The following CDK14 variants were observed in gnomAD, a reference collection of about 807,000 sequenced individuals.
The protein encoded by CDK14 is cyclin dependent kinase 14.
A neutral mutation model predicts 60.7 loss-of-function variants in CDK14; 34 were observed. That is an observed-to-expected ratio of 0.56 (90% CI 0.43 to 0.75). The LOEUF (loss-of-function observed/expected upper bound fraction) is 0.75, where lower values mean the gene tolerates loss of function less well. Ranked by LOEUF, CDK14 falls within the 30% of genes least tolerant of loss-of-function variation. The probability of loss-of-function intolerance (pLI) is 0.00; values close to 1 mark genes in which losing one functional copy is unlikely to be tolerated. For synonymous variants in CDK14, 197 were observed against 203.7 expected (o/e 0.97, Z 0.28); for missense variants, 482 against 564.1 (o/e 0.85, Z 1.47).
chr7:90,979,843 A>C (rs1562854562), intron 9 of CDK14: 2 of 152,210 alleles, frequency 1.3e-5, no homozygotes, highest in Non-Finnish European at 2.9e-5. Flanking sequence ...TAAATGTCAG[A>C]TAGTTAATTT....
chr7:91,060,830 A>C (rs530263582), intron 11 of CDK14, among the ~76,000 whole-genome samples: 3 of 152,228 alleles, frequency 2.0e-5, no homozygotes, highest in Admixed American at 2.0e-4. Flanking sequence ...GCTGCCCTTA[A>C]CATTTTTTCC....
chr7:90,734,433 C>G (rs1204333327), intron 3 of CDK14, among the ~76,000 whole-genome samples: 3 of 152,220 alleles, frequency 2.0e-5, no homozygotes, highest in Admixed American at 6.5e-5. Context: ...CTCCCCGTCA[C>G]TTTCAGGTAC....
chr7:90,739,055 C>T (rs367544953), intron 3 of CDK14, among the ~76,000 whole-genome samples: 5 of 152,072 alleles, frequency 3.3e-5, no homozygotes, highest in African/African-American at 7.2e-5. Flanking sequence ...ACTCTCAAAG[C>T]GGAGACTGTC....
At chr7:91,145,727 A>T (rs43014) in intron 14 of CDK14, among the ~76,000 whole-genome samples, 145,430 of 152,270 alleles carry the variant, frequency 0.96, 69,475 homozygotes, top group East Asian at 1. Context: ...AATAGGCAAC[A>T]AGAAGCTGCT....
At chr7:91,034,029 T>A (rs540972017) in intron 10 of CDK14, among the ~76,000 whole-genome samples, 1 of 152,366 alleles carries the variant, frequency 6.6e-6, no homozygotes, top group South Asian at 2.1e-4. Context: ...TTCCAGGCAC[T>A]AAGAGCATTT....
intron 2 of CDK14, among the ~76,000 whole-genome samples, chr7:90,723,488 C>T (rs1192355509): frequency 2.0e-5 from 3 of 152,262 alleles, no homozygotes; most frequent in South Asian, 2.1e-4. Flanking sequence ...CGGCTTTCCC[C>T]AGGTCTGGTG....
chr7:90,820,164 C>T (rs1789494184), intron 5 of CDK14, among the ~76,000 whole-genome samples: 1 of 152,138 alleles, frequency 6.6e-6, no homozygotes, highest in African/African-American at 2.4e-5. Context: ...ATGACCCTTG[C>T]AGCACTTAAC....
intron 5 of CDK14, among the ~76,000 whole-genome samples, chr7:90,791,224 A>AT (rs994790906): frequency 6.6e-6 from 1 of 152,074 alleles, no homozygotes; most frequent in African/African-American, 2.4e-5. Flanking sequence ...ATAAGATTTT[A>AT]TTTTTTATTA....
intron 9 of CDK14, among the ~76,000 whole-genome samples, chr7:90,973,211 T>C (rs1794977025): frequency 6.6e-6 from 1 of 152,122 alleles, no homozygotes; most frequent in African/African-American, 2.4e-5. Flanking sequence ...CTAAATAATT[T>C]TCTAAACTTG....
intron 14 of CDK14, among the ~76,000 whole-genome samples, chr7:91,181,283 G>A (rs1387815230): frequency 6.6e-6 from 1 of 151,780 alleles, no homozygotes; most frequent in Non-Finnish European, 1.5e-5. Flanking sequence ...CAAATGACTT[G>A]TCCTTTAGAG....
intron 12 of CDK14, 68 bp downstream of exon 12, chr7:91,079,548 C>G: frequency 9.0e-7 from 1 of 1,116,064 alleles, no homozygotes; most frequent in Non-Finnish European, 1.4e-6. Context: ...TCTTCTCATA[C>G]GTTTTTCATG....
chr7:90,830,077 C>T (rs1789866405), intron 5 of CDK14, among the ~76,000 whole-genome samples: 2 of 152,214 alleles, frequency 1.3e-5, no homozygotes, highest in Admixed American at 6.5e-5. Flanking sequence ...CTTCTTCTCA[C>T]AGCTCCACTA....
intron 1 of CDK14, among the ~76,000 whole-genome samples, chr7:90,598,255 A>G (rs528408494): frequency 2.0e-5 from 3 of 152,358 alleles, no homozygotes; most frequent in South Asian, 2.1e-4. Context: ...ACATTAATCT[A>G]AAAGTTCCTT....
intron 6 of CDK14, 111 bp downstream of exon 6, chr7:90,863,380 C>A: frequency 1.8e-6 from 1 of 566,312 alleles, no homozygotes. Context: ...AATATTTTAT[C>A]TGAATACATG....
intron 10 of CDK14, among the ~76,000 whole-genome samples, chr7:90,995,008 A>G (rs1455280524): frequency 6.6e-6 from 1 of 152,246 alleles, no homozygotes; most frequent in Non-Finnish European, 1.5e-5. Flanking sequence ...TGAGGTGAGC[A>G]GCATCTAAGA....
At chr7:90,705,687 G>A (rs1338849985) in intron 2 of CDK14, among the ~76,000 whole-genome samples, 1 of 150,372 alleles carries the variant, frequency 6.7e-6, no homozygotes, top group Admixed American at 6.7e-5. Context: ...GAGGAAGCCT[G>A]TAGCAAGAAG....
At chr7:90,984,070 G>A in intron 9 of CDK14, 78 bp from the exon 10 acceptor site, 1 of 898,114 alleles carries the variant, frequency 1.1e-6, no homozygotes, top group Non-Finnish European at 1.9e-6. Flanking sequence ...CTGTAGGAGT[G>A]GATATTCTAA....
At chr7:90,861,244 G>T (rs74390413) in intron 5 of CDK14, among the ~76,000 whole-genome samples, 7,082 of 152,228 alleles carry the variant, frequency 0.047, 187 homozygotes, top group South Asian at 0.075. Context: ...ATGGGAGAAG[G>T]GGTTTGGAGG....
intron 4 of CDK14, among the ~76,000 whole-genome samples, chr7:90,777,283 T>C (rs1378703286): frequency 6.6e-6 from 1 of 152,186 alleles, no homozygotes; most frequent in Non-Finnish European, 1.5e-5. Context: ...AGTATCTCTT[T>C]TACGTGGTAA....
Sources: gnomAD v4.1 joint callset for allele counts (sites outside exome capture counted in the v4.1 genomes callset) on GRCh38, gnomAD v4.1.1 for gene constraint, MANE v1.5 for transcripts, NCBI Gene and HGNC (gene_info 2026-07-23, HGNC 2026-07-21) for gene names.